PDE1A: variants seen among roughly 807,000 people sequenced by gnomAD.
The protein encoded by PDE1A is phosphodiesterase 1A, also known as dual specificity calcium/calmodulin-dependent 3',5'-cyclic nucleotide phosphodiesterase 1A.
PDE1A carries 35 observed loss-of-function variants against 61.7 expected under a neutral mutation model. The observed-to-expected ratio is 0.57, with a 90% CI of 0.43 to 0.75. PDE1A has a LOEUF of 0.75. PDE1A is among the 30% of genes least tolerant of loss of function. The pLI is 0.00. For synonymous variants in PDE1A, 232 were observed against 213.2 expected (o/e 1.09, Z -0.77); for missense variants, 597 against 630.6 (o/e 0.95, Z 0.57).
the PDE1A span, among the ~76,000 whole-genome samples, chr2:182,625,323 G>A: frequency 1.3e-5 from 2 of 152,320 alleles, no homozygotes; most frequent in South Asian, 2.1e-4. Context: ...TGACAGTGAG[G>A]TGAGATGGTC....
chr2:182,436,818 C>T (rs1684457013), intron 2 of PDE1A, among the ~76,000 whole-genome samples: 1 of 151,988 alleles, frequency 6.6e-6, no homozygotes, highest in Non-Finnish European at 1.5e-5. Flanking sequence ...TCGCATATTA[C>T]AGTAATAGGA....
the PDE1A span, among the ~76,000 whole-genome samples, chr2:182,690,625 A>G: frequency 2.0e-5 from 3 of 152,370 alleles, no homozygotes; most frequent in African/African-American, 7.2e-5. Flanking sequence ...GGCACAAGAC[A>G]GGGATGCCCT....
intron 2 of PDE1A, among the ~76,000 whole-genome samples, chr2:182,442,995 A>G (rs896821042): frequency 6.6e-6 from 1 of 152,042 alleles, no homozygotes; most frequent in Non-Finnish European, 1.5e-5. Flanking sequence ...ATCTGTGAAT[A>G]TGTTGAGTAA....
At chr2:182,607,818 C>G in the PDE1A span, among the ~76,000 whole-genome samples, 1 of 152,170 alleles carries the variant, frequency 6.6e-6, no homozygotes, top group Non-Finnish European at 1.5e-5. Context: ...GGAACGGCAC[C>G]TGTGGAAGGG....
At chr2:182,262,955 A>ATGTGTGTGTGTGTGTGTG (rs60469609) in intron 2 of PDE1A, among the ~76,000 whole-genome samples, 8 of 147,262 alleles carry the variant, frequency 5.4e-5, no homozygotes, top group African/African-American at 1.0e-4. Context: ...TTATTAAACA[A>ATGTGTGTGTGTGTGTGTG]TGTGTGTGTG....
downstream of PDE1A, among the ~76,000 whole-genome samples, chr2:182,145,512 G>A (rs1690448352): frequency 6.6e-6 from 1 of 152,120 alleles, no homozygotes; most frequent in Non-Finnish European, 1.5e-5. Context: ...CGGATTGCCT[G>A]AGCTCAGGAG....
At chr2:182,578,334 A>G in the PDE1A span, among the ~76,000 whole-genome samples, 9,097 of 152,174 alleles carry the variant, frequency 0.06, 324 homozygotes, top group Admixed American at 0.091. Flanking sequence ...GTATCTATTA[A>G]GCTTATCATC....
the PDE1A span, among the ~76,000 whole-genome samples, chr2:182,560,751 C>G: frequency 6.6e-6 from 1 of 151,896 alleles, no homozygotes; most frequent in East Asian, 1.9e-4. Flanking sequence ...TTAATGATTG[C>G]CATTCTAACT....
chr2:182,450,761 CTATGTATAAAA>C (rs1685455477), intron 2 of PDE1A, among the ~76,000 whole-genome samples: 1 of 150,674 alleles, frequency 6.6e-6, no homozygotes, highest in Non-Finnish European at 1.5e-5. Context: ...TAGCTTTTCA[CTATGTATAAAA>C]AAGACACAAA....
intron 1 of PDE1A, among the ~76,000 whole-genome samples, chr2:182,349,833 A>G (rs981262133): frequency 6.6e-6 from 1 of 152,198 alleles, no homozygotes; most frequent in African/African-American, 2.4e-5. Flanking sequence ...AGATAGCCTA[A>G]GCCTCTGGAG....
At chr2:182,695,073 G>A in the PDE1A span, among the ~76,000 whole-genome samples, 1 of 151,978 alleles carries the variant, frequency 6.6e-6, no homozygotes, top group African/African-American at 2.4e-5. Context: ...TAATTAATGA[G>A]TATTCCTATT....
At chr2:182,544,948 T>G in the PDE1A span, among the ~76,000 whole-genome samples, 1 of 152,192 alleles carries the variant, frequency 6.6e-6, no homozygotes, top group African/African-American at 2.4e-5. Flanking sequence ...TAATCACGTC[T>G]CATTTTATCA....
chr2:182,183,106 C>T (rs898477203), intron 13 of PDE1A, among the ~76,000 whole-genome samples: 35 of 152,026 alleles, frequency 2.3e-4, no homozygotes, highest in African/African-American at 7.0e-4. Context: ...ACTCATATAG[C>T]GCTTAGTACT....
At chr2:182,628,053 T>C in the PDE1A span, among the ~76,000 whole-genome samples, 12 of 80,878 alleles carry the variant, frequency 1.5e-4, no homozygotes, top group African/African-American at 4.5e-4. Flanking sequence ...AGTGTATGTG[T>C]GCACACACAC....
At chr2:182,409,790 T>C (rs907618496) in intron 1 of PDE1A, among the ~76,000 whole-genome samples, 4 of 152,202 alleles carry the variant, frequency 2.6e-5, no homozygotes, top group Non-Finnish European at 4.4e-5. Flanking sequence ...TACAATTATA[T>C]GTACCATATG....
chr2:182,524,008 T>C (rs547477120), upstream of PDE1A, among the ~76,000 whole-genome samples: 46 of 152,284 alleles, frequency 3.0e-4, no homozygotes, highest in African/African-American at 1.1e-3. Flanking sequence ...TCAGACAAGA[T>C]ATTTCCAGAA....
At chr2:182,700,555 C>G in the PDE1A span, among the ~76,000 whole-genome samples, 6 of 151,736 alleles carry the variant, frequency 4.0e-5, no homozygotes, top group African/African-American at 1.5e-4. Context: ...AACCCCATCT[C>G]TACTAAAAAT....
At chr2:182,555,487 T>C in the PDE1A span, among the ~76,000 whole-genome samples, 21 of 152,334 alleles carry the variant, frequency 1.4e-4, no homozygotes, top group Non-Finnish European at 2.2e-4. Context: ...ATGTCTTTTA[T>C]GTTATAGTGC....
intron 1 of PDE1A, among the ~76,000 whole-genome samples, chr2:182,423,452 A>G (rs1339908144): frequency 6.6e-6 from 1 of 152,166 alleles, no homozygotes; most frequent in Admixed American, 6.5e-5. Flanking sequence ...AACGTTCACC[A>G]TCTACTCCAA....
Sources: gnomAD v4.1 joint callset for allele counts (sites outside exome capture counted in the v4.1 genomes callset) on GRCh38, gnomAD v4.1.1 for gene constraint, MANE v1.5 for transcripts, NCBI Gene and HGNC (gene_info 2026-07-23, HGNC 2026-07-21) for gene names.